HMGB1: variants seen among roughly 807,000 people sequenced by gnomAD.
The protein encoded by HMGB1 is high mobility group box 1, also known as high mobility group protein B1.
For missense variants in HMGB1, 79 were observed against 253.5 expected (o/e 0.31, Z 4.67); for synonymous variants, 81 against 84.0 (o/e 0.96, Z 0.19).
chr13:30,585,570 C>T (rs889428162), intron 1 of HMGB1, among the ~76,000 whole-genome samples: 9 of 151,486 alleles, frequency 5.9e-5, no homozygotes, highest in African/African-American at 1.5e-4. Flanking sequence ...CCCAGCTACT[C>T]GGGAGGCTGA....
intron 1 of HMGB1, among the ~76,000 whole-genome samples, chr13:30,490,244 G>C (rs1266604746): frequency 1.3e-5 from 2 of 152,028 alleles, no homozygotes; most frequent in South Asian, 4.1e-4. Flanking sequence ...TCTGAACCGA[G>C]GTTTTAATAT....
intron 1 of HMGB1, among the ~76,000 whole-genome samples, chr13:30,610,235 C>T (rs1417178174): frequency 6.6e-6 from 1 of 152,162 alleles, no homozygotes; most frequent in East Asian, 1.9e-4. Context: ...GTTTTTTGGG[C>T]AGTCAAAAGC....
At chr13:30,525,852 ATT>A (rs1888352146) in intron 1 of HMGB1, among the ~76,000 whole-genome samples, 2 of 74,762 alleles carry the variant, frequency 2.7e-5, no homozygotes, top group Non-Finnish European at 7.1e-5. Flanking sequence ...TCAAGATGAG[ATT>A]GTGGGGGGAC....
intron 1 of HMGB1, among the ~76,000 whole-genome samples, chr13:30,538,778 C>CTTTCTTT (rs869080878): frequency 4.3e-5 from 1 of 23,342 alleles, no homozygotes; most frequent in East Asian, 7.9e-4. Context: ...TCTCTCTTTC[C>CTTTCTTT]TTCTTTCTTT....
At chr13:30,532,497 T>C (rs960622186) in intron 1 of HMGB1, among the ~76,000 whole-genome samples, 1 of 152,052 alleles carries the variant, frequency 6.6e-6, no homozygotes, top group Non-Finnish European at 1.5e-5. Context: ...TAAAAATAAA[T>C]CAATCCTTTA....
At chr13:30,583,156 T>C (rs185198343) in intron 1 of HMGB1, among the ~76,000 whole-genome samples, 68 of 152,220 alleles carry the variant, frequency 4.5e-4, no homozygotes, top group African/African-American at 1.5e-3. Context: ...TATGAGCCAC[T>C]GTGCCTAACC....
chr13:30,466,468 GTCTCTGA>G (rs1886789811), upstream of HMGB1, among the ~76,000 whole-genome samples: 1 of 152,172 alleles, frequency 6.6e-6, no homozygotes, highest in Non-Finnish European at 1.5e-5. Context: ...CCCCTCAAAG[GTCTCTGA>G]TTGCGTTACA....
At chr13:30,606,639 T>C (rs1025186983) in intron 1 of HMGB1, among the ~76,000 whole-genome samples, 2 of 152,226 alleles carry the variant, frequency 1.3e-5, no homozygotes, top group African/African-American at 2.4e-5. Flanking sequence ...CTGATAATAA[T>C]ATGCTCTACA....
chr13:30,548,133 G>A (rs900237028), intron 1 of HMGB1, among the ~76,000 whole-genome samples: 1 of 152,230 alleles, frequency 6.6e-6, no homozygotes, highest in Admixed American at 6.5e-5. Context: ...ATCTTGAATT[G>A]TAGTTCCCAT....
At chr13:30,483,617 C>CT (rs61395953) in intron 1 of HMGB1, among the ~76,000 whole-genome samples, 97,006 of 135,714 alleles carry the variant, frequency 0.71, 34,819 homozygotes, top group South Asian at 0.78. Flanking sequence ...GTGCAAATTT[C>CT]TTTTTTTTTT....
At chr13:30,516,112 A>G (rs1593285910) in intron 1 of HMGB1, among the ~76,000 whole-genome samples, 1 of 152,298 alleles carries the variant, frequency 6.6e-6, no homozygotes, top group East Asian at 1.9e-4. Flanking sequence ...TAATTTTTTT[A>G]ATACAGCATC....
chr13:30,588,247 C>T (rs1159872657), intron 1 of HMGB1, among the ~76,000 whole-genome samples: 2 of 152,124 alleles, frequency 1.3e-5, no homozygotes, highest in African/African-American at 2.4e-5. Context: ...TATAATTATA[C>T]ATACGCACTA....
At chr13:30,521,223 A>T (rs1284093310) in intron 1 of HMGB1, among the ~76,000 whole-genome samples, 1 of 152,154 alleles carries the variant, frequency 6.6e-6, no homozygotes, top group Non-Finnish European at 1.5e-5. Flanking sequence ...GAACGGTTTT[A>T]TTGAAATGAA....
At chr13:30,571,292 GTTT>G (rs557966775) in intron 1 of HMGB1, among the ~76,000 whole-genome samples, 1 of 135,472 alleles carries the variant, frequency 7.4e-6, no homozygotes, top group Non-Finnish European at 1.6e-5. Flanking sequence ...CAAAAAAATG[GTTT>G]TTTTTTTTTT....
rs1886303631 is a variant in HMGB1, at chr13:30,461,196, A to G, written c.*161T>C. 3 of 1,143,684 alleles carry G rather than the reference A, an allele frequency of 2.6e-6. No individual in the cohort carries two copies. Among genetic ancestry groups the G allele is most frequent in the Non-Finnish European group, 3.6e-6 (3 of 838,100 alleles). 70.8% of individuals were successfully genotyped at this position (1,143,684 alleles called of 1,614,324 possible). Reference sequence around the variant, plus strand: ...CCAGGACAGGGCTATCTAAAGACACATTCGGTAGTGTGTTAACTATACAAA... The same window carrying G: ...CCAGGACAGGGCTATCTAAAGACACGTTCGGTAGTGTGTTAACTATACAAA... On this transcript the variant is annotated 3_prime_UTR_variant, in exon 5 of 5. Coordinates refer to ENST00000341423, the MANE Select transcript of HMGB1 (RefSeq NM_002128.7).
At chr13:30,556,333 G>A (rs1320670789) in intron 1 of HMGB1, among the ~76,000 whole-genome samples, 1 of 152,202 alleles carries the variant, frequency 6.6e-6, no homozygotes, top group Non-Finnish European at 1.5e-5. Context: ...GAGCCCGAGA[G>A]GTGGAGGTTG....
chr13:30,498,939 C>T (rs1398780922), intron 1 of HMGB1, among the ~76,000 whole-genome samples: 5 of 136,932 alleles, frequency 3.7e-5, no homozygotes, highest in East Asian at 2.3e-4. Context: ...TGAGCCACTG[C>T]GCCCAGCCTC....
At chr13:30,493,465 T>C (rs1333302287) in intron 1 of HMGB1, among the ~76,000 whole-genome samples, 1 of 152,152 alleles carries the variant, frequency 6.6e-6, no homozygotes, top group Non-Finnish European at 1.5e-5. Context: ...ATGACAGGAA[T>C]GTTCTGAACC....
chr13:30,481,159 T>A (rs1301238850), intron 1 of HMGB1, among the ~76,000 whole-genome samples: 1 of 152,068 alleles, frequency 6.6e-6, no homozygotes, highest in Non-Finnish European at 1.5e-5. Context: ...GTATGTTTGT[T>A]AAAGACAATT....
Sources: allele counts gnomAD v4.1 joint callset (sites outside exome capture counted in the v4.1 genomes callset), GRCh38; gene constraint gnomAD v4.1.1; transcripts MANE v1.5; gene names NCBI Gene and HGNC (gene_info 2026-07-23, HGNC 2026-07-21).